The following IGDCC4 variants were observed in gnomAD, a reference collection of about 807,000 sequenced individuals.
The protein encoded by IGDCC4 is immunoglobulin superfamily DCC subclass member 4.
A neutral mutation model predicts 116.6 loss-of-function variants in IGDCC4; 72 were observed. The observed-to-expected ratio is 0.62, with a 90% confidence interval of 0.51 to 0.75. The LOEUF (loss-of-function observed/expected upper bound fraction) is 0.75, where lower values mean the gene tolerates loss of function less well. Ranked by LOEUF, IGDCC4 falls within the 30% of genes least tolerant of loss-of-function variation. The pLI, the probability that IGDCC4 is intolerant of heterozygous loss-of-function variation, is 0.00. For missense variants in IGDCC4, 1,501 were observed against 1,662.4 expected, an observed-to-expected ratio of 0.90 and a Z score of 1.69; for synonymous variants, 709 against 719.9, an observed-to-expected ratio of 0.98 and a Z score of 0.24.
At chr15:65,394,627 T>G in intron 8 of IGDCC4, 79 bp from the exon 9 acceptor site, 1 of 1,398,192 alleles carries the variant, frequency 7.2e-7, no homozygotes, top group Non-Finnish European at 9.7e-7. Flanking sequence ...GAGACTTGCC[T>G]GGGTCACACA....
At chr15:65,386,501 C>T (rs2091459968) in intron 17 of IGDCC4, 50 bp downstream of exon 17, 1 of 1,483,182 alleles carries the variant, frequency 6.7e-7, no homozygotes, top group Non-Finnish European at 9.2e-7. Context: ...ATTCTGCAGC[C>T]CTTCCTGGAA....
At chr15:65,402,702 T>C (rs996922141) in intron 3 of IGDCC4, among the ~76,000 whole-genome samples, 4 of 152,132 alleles carry the variant, frequency 2.6e-5, no homozygotes, top group African/African-American at 9.7e-5. Context: ...ACCCCGTCTC[T>C]ACTAAAAATA....
rs1430687963 is a variant in IGDCC4 at position 65,393,981 on chromosome 15, C to T, written c.1714+430G>A. On this transcript the variant is annotated intron_variant, in intron 9 of 19. Transcript: ENST00000352385. This position sits in a 1 kb window ranked among gnomAD's most constrained non-coding sequence, Gnocchi z 4.6. Reference sequence around the variant, plus strand: ...ACCCTTCCCCTGGTCCCTCAGCTACCTTCCTCCTCCTAACTTTTTATCCTT... The same window carrying T: ...ACCCTTCCCCTGGTCCCTCAGCTACTTTCCTCCTCCTAACTTTTTATCCTT... 1.3e-5 allele frequency among the ~76,000 whole-genome samples: 2 copies of T among 152,108 alleles called. No homozygotes were observed. Among genetic ancestry groups the T allele is most frequent in the Non-Finnish European group, 2.9e-5 (2 of 68,020 alleles).
chr15:65,392,215 C>T lies in IGDCC4; in HGVS notation c.2041G>A (p.Gly681Arg). The part of the protein sequence containing the change: ...EEEANGDRLP[G>R]GRGDQAWDVG... ...TCCCAAGCCTGGTCTCCACGGCCCCCTGGCAGGCGATCGCCATTGGCCTCC... is the reference window on the plus strand; with the variant it reads ...TCCCAAGCCTGGTCTCCACGGCCCCTTGGCAGGCGATCGCCATTGGCCTCC... Residue 681 changes from glycine to arginine, a missense_variant, in exon 11 of 20, where the codon GGG becomes AGG. This residue lies in a region of IGDCC4 where 898 missense variants were observed against 978.9 expected (regional missense o/e 0.92). Coordinates refer to ENST00000352385, the MANE Select transcript of IGDCC4 (RefSeq NM_020962.3). 6.2e-7 allele frequency: 1 copy of T among 1,613,990 alleles called. No individual in the cohort carries two copies. Among genetic ancestry groups the T allele is most frequent in the Admixed American group, 1.7e-5 (1 of 60,000 alleles).
chr15:65,395,015 T>G, intron 8 of IGDCC4, 79 bp downstream of exon 8: 1 of 1,441,014 alleles, frequency 6.9e-7, no homozygotes, highest in Non-Finnish European at 9.4e-7. Context: ...GCCTTTACAT[T>G]AGTAAAGAGA....
Position 65,402,374 on chromosome 15 carries a change from GC to G in IGDCC4, c.676del (p.Ala226ProfsTer37). The stretch of plus-strand genomic sequence containing the variant: ...ACCTCTGTGGGCCACACTGAGTAGG[GC>G]CTCCTGGCTGAAGTGCTGGCGAGCT... ...NSARQHFSQE[A>X]LLSVAHRGSL... On this transcript the variant is annotated frameshift_variant, in exon 4 of 20. Transcript: ENST00000352385. LOFTEE classifies it high-confidence loss of function. The G allele has an allele frequency of 6.4e-7, 1 of 1,570,764 alleles. No individual in the cohort carries two copies. The highest frequency in any genetic ancestry group is 8.6e-7 in the Non-Finnish European group (1 of 1,157,004).
At chr15:65,385,332 C>T (rs2091444913) in intron 18 of IGDCC4, 5 of 584,262 alleles carry the variant, frequency 8.6e-6, no homozygotes. Context: ...GAGCGGAACA[C>T]CAGACGCTCT....
intron 12 of IGDCC4, among the ~76,000 whole-genome samples, chr15:65,391,046 A>C (rs2091509253): frequency 6.6e-6 from 1 of 152,194 alleles, no homozygotes; most frequent in African/African-American, 2.4e-5. Context: ...CAGCCTGGCC[A>C]ACATGGTGAA....
At chr15:65,400,491 A>G (rs1234421086) in intron 5 of IGDCC4, among the ~76,000 whole-genome samples, 1 of 152,228 alleles carries the variant, frequency 6.6e-6, no homozygotes, top group Admixed American at 6.5e-5. Context: ...GTTGTGAGGA[A>G]CAGAAATATG....
intron 4 of IGDCC4, 77 bp downstream of exon 4, chr15:65,402,274 C>T (rs1357343821): frequency 1.2e-5 from 18 of 1,494,412 alleles, no homozygotes; most frequent in Middle Eastern, 2.2e-4. Flanking sequence ...AGGCCTGGAC[C>T]CCTTGAGGTC....
rs1265187842 is a variant in IGDCC4 at position 65,410,233 on chromosome 15, G to A, written c.508C>T (p.Pro170Ser). The A allele has an allele frequency of 6.2e-7, 1 of 1,613,784 alleles. No individual in the cohort carries two copies. The highest frequency in any genetic ancestry group is 2.2e-5 in the East Asian group (1 of 44,888). The change falls in exon 3 of 20, where the codon CCA (proline) becomes TCA (serine). Residue 170 changes from proline (P) to serine (S), a missense_variant. Pro to Ser is a moderately conservative substitution (Grantham distance 74). Transcript: ENST00000352385. ...ARFECHIEGLPAPIITWEKDQ... is the reference protein window; with the variant it reads ...ARFECHIEGLSAPIITWEKDQ... ...TTCTCCCAAGTAATGATGGGAGCTGGCAGCCCTTCAATGTGGCACTCAAAG... is the reference window on the plus strand; with the variant it reads ...TTCTCCCAAGTAATGATGGGAGCTGACAGCCCTTCAATGTGGCACTCAAAG...
Position 65,400,885 on chromosome 15 carries a change from T to C in IGDCC4, c.762A>G (p.Thr254=). The C allele has an allele frequency of 6.2e-7, 1 of 1,614,030 alleles. No individual in the cohort carries two copies. The highest frequency in any genetic ancestry group is 1.3e-5 in the African/African-American group (1 of 75,010). The change falls in exon 5 of 20, where the codon ACA becomes ACG. Residue 254 remains threonine (T), a synonymous_variant. Transcript: ENST00000352385. The stretch of plus-strand genomic sequence containing the variant: ...TCACCACACTCTGGCCAGACACCAC[T>C]GTGGTGTTCTCTGGGGCTGCCACAA... The part of the protein sequence containing the change: ...VVIVAAPENT[T]VVSGQSVVME...
At chr15:65,421,356 G>T (rs978794303) in intron 1 of IGDCC4, among the ~76,000 whole-genome samples, 1 of 152,184 alleles carries the variant, frequency 6.6e-6, no homozygotes, top group African/African-American at 2.4e-5. Context: ...CCTGAGCTCT[G>T]GGAAGACAGA....
At chr15:65,398,525 C>A (rs181590795) in intron 5 of IGDCC4, among the ~76,000 whole-genome samples, 5 of 94,684 alleles carry the variant, frequency 5.3e-5, no homozygotes, top group African/African-American at 2.4e-4. Context: ...CAGAGCAAAA[C>A]TCCATCTCAA....
chr15:65,397,770 TA>T (rs1242334086), intron 5 of IGDCC4, among the ~76,000 whole-genome samples: 1 of 151,958 alleles, frequency 6.6e-6, no homozygotes, highest in Non-Finnish European at 1.5e-5. Context: ...GAAAGGGCCA[TA>T]AAGGAGCTTC....
chr15:65,405,907 G>C (rs189606642), intron 3 of IGDCC4, among the ~76,000 whole-genome samples: 1 of 152,184 alleles, frequency 6.6e-6, no homozygotes, highest in Non-Finnish European at 1.5e-5. Flanking sequence ...CTTGGGCCCC[G>C]AGGATTAAAG....
rs140100121 is a variant in IGDCC4, at chr15:65,399,197, G to A, written c.841+1609C>T. 1.3e-3 allele frequency among the ~76,000 whole-genome samples: 196 copies of A among 152,196 alleles called. 1 individual carries two copies. The highest frequency in any genetic ancestry group is 4.1e-3 in the African/African-American group (169 of 41,538). On this transcript the variant is annotated intron_variant, in intron 5 of 19. Coordinates refer to ENST00000352385, the MANE Select transcript of IGDCC4 (RefSeq NM_020962.3). ...CACACTTTCAGTTGGAGCACCGGGC[G>A]CAGTGACTCATGGCTGTAATCCCAG...
chr15:65,395,832 G>T lies in IGDCC4; in HGVS notation c.1329C>A (p.Ser443=). The change falls in exon 7 of 20, where the codon TCC becomes TCA. Residue 443 remains serine, a synonymous_variant. Coordinates refer to ENST00000352385, the MANE Select transcript of IGDCC4 (RefSeq NM_020962.3). ...TRVTATPLSS[S]AVLVAWERPE... is the part of the protein sequence containing the mutation. ...GCCGCTCCCAGGCCACCAACACAGCGGAGCTGCTCAGTGGCGTAGCAGTGA... is the reference window on the plus strand; with the variant it reads ...GCCGCTCCCAGGCCACCAACACAGCTGAGCTGCTCAGTGGCGTAGCAGTGA... 6.5e-7 allele frequency: 1 copy of T among 1,546,868 alleles called. No individual in the cohort carries two copies. The highest frequency in any genetic ancestry group is 2.4e-5 in the East Asian group (1 of 41,116).
At chr15:65,396,714 T>C in intron 6 of IGDCC4, 120 bp downstream of exon 6, 2 of 1,277,644 alleles carry the variant, frequency 1.6e-6, no homozygotes, top group Non-Finnish European at 2.1e-6. Context: ...GACTCCTCCC[T>C]GAGTTCGTCC....
Sources: gnomAD v4.1 joint callset for allele counts (sites outside exome capture counted in the v4.1 genomes callset) on GRCh38, gnomAD v4.1.1 for gene constraint, gnomAD v4.1.1 regional missense constraint, Gnocchi (gnomAD v3.1) non-coding constraint, MANE v1.5 for transcripts, NCBI Gene and HGNC (gene_info 2026-07-23, HGNC 2026-07-21) for gene names.